The following BCO1 variants were observed in gnomAD, a reference collection of about 807,000 sequenced individuals.
BCO1 encodes beta-carotene oxygenase 1.
In BCO1, 54 loss-of-function variants were observed where a neutral mutation model predicts 56.3. That is an observed-to-expected ratio of 0.96 (90% CI 0.77 to 1.20). The LOEUF is 1.20. Among genes scored for constraint, BCO1 ranks in the 50% most tolerant of loss-of-function variants. BCO1 has a pLI of 0.00. For missense variants in BCO1, 801 were observed against 690.9 expected, an observed-to-expected ratio of 1.16 and a Z score of -1.79; for synonymous variants, 318 against 266.1, an observed-to-expected ratio of 1.20 and a Z score of -1.90.
intron 2 of BCO1, among the ~76,000 whole-genome samples, chr16:81,246,743 A>G (rs940501250): frequency 6.6e-6 from 1 of 151,214 alleles, no homozygotes; most frequent in Non-Finnish European, 1.5e-5. Flanking sequence ...CCCAGCTACT[A>G]GGGAGGCTGA....
chr16:81,241,343 C>A (rs1905098045), intron 1 of BCO1, among the ~76,000 whole-genome samples: 1 of 152,054 alleles, frequency 6.6e-6, no homozygotes, highest in Non-Finnish European at 1.5e-5. Flanking sequence ...CCTATGATAC[C>A]TACCTTTTCG....
chr16:81,263,551 G>A (rs1423460601), intron 4 of BCO1: 1 of 152,118 alleles, frequency 6.6e-6, no homozygotes, highest in Non-Finnish European at 1.5e-5. Context: ...TTTTTTGCAA[G>A]ACACAATTCA....
chr16:81,286,682 T>C (rs1908198591), intron 9 of BCO1, among the ~76,000 whole-genome samples: 1 of 152,094 alleles, frequency 6.6e-6, no homozygotes, highest in Non-Finnish European at 1.5e-5. Context: ...AGACCCTGTC[T>C]CTATATTAAA....
At chr16:81,257,465 A>T (rs769776063) in intron 2 of BCO1, among the ~76,000 whole-genome samples, 20 of 151,678 alleles carry the variant, frequency 1.3e-4, no homozygotes, top group Non-Finnish European at 2.5e-4. Flanking sequence ...GGGTTTCACC[A>T]TGTTGGCCAG....
At chr16:81,261,029 A>G (rs1168221658) in intron 3 of BCO1, among the ~76,000 whole-genome samples, 2 of 152,234 alleles carry the variant, frequency 1.3e-5, no homozygotes, top group South Asian at 2.1e-4. Context: ...CCATTCCAGT[A>G]TCCAGCTCTA....
At chr16:81,287,258 C>G (rs756969068) in intron 9 of BCO1, 37 bp from the exon 10 acceptor site, 2 of 1,451,830 alleles carry the variant, frequency 1.4e-6, no homozygotes, top group East Asian at 2.3e-5. Flanking sequence ...TTCTCTCAAA[C>G]AAGTCATTTA....
intron 2 of BCO1, among the ~76,000 whole-genome samples, chr16:81,251,874 ATG>A (rs56069135): frequency 2.7e-4 from 40 of 146,708 alleles, no homozygotes; most frequent in East Asian, 6.0e-4. Context: ...ACACACATAT[ATG>A]TGTGTGTGTG....
intron 7 of BCO1, among the ~76,000 whole-genome samples, chr16:81,280,310 T>TAC (rs768116413): frequency 3.7e-5 from 1 of 26,668 alleles, no homozygotes; most frequent in Non-Finnish European, 9.5e-5. Flanking sequence ...AAAAAAAAAT[T>TAC]ACACACACAC....
rs529754212 is a variant in BCO1, at chr16:81,246,412, G to A, written c.193+809G>A. On this transcript the variant is annotated intron_variant, in intron 2 of 10. Transcript: ENST00000258168. ...TCAGGGGTGCATTATTCAGCCAACC[G>A]CAAGCACAGACTTTCCTAAAAAGGA... Among the ~76,000 whole-genome samples, 20 of 152,238 alleles carry A rather than the reference G, an allele frequency of 1.3e-4. No individual in the cohort carries two copies. In the East Asian group the frequency reaches 3.5e-3, roughly 26 times the overall value.
intron 1 of BCO1, among the ~76,000 whole-genome samples, chr16:81,243,356 CT>C (rs1391718947): frequency 6.6e-6 from 1 of 152,162 alleles, no homozygotes; most frequent in African/African-American, 2.4e-5. Context: ...CCTTTGTCCC[CT>C]GGCCCCCGTT....
rs149029789 is a variant in BCO1, at chr16:81,264,678, G to C, written c.510G>C (p.Thr170=). The change falls in exon 5 of 11, where the codon ACG becomes ACC. Residue 170 remains threonine, a synonymous_variant. Coordinates refer to ENST00000258168, the MANE Select transcript of BCO1 (RefSeq NM_017429.3). The part of the protein sequence containing the change: ...YRKYVAVNLA[T]SHPHYDEAGN... Reference sequence around the variant, plus strand: ...AATACGTGGCGGTAAATCTGGCAACGTCACATCCCCATTATGATGAGGCTG... The same window carrying C: ...AATACGTGGCGGTAAATCTGGCAACCTCACATCCCCATTATGATGAGGCTG... 3 of 1,614,166 alleles carry C rather than the reference G, an allele frequency of 1.9e-6. No individual in the cohort carries two copies. The South Asian group carries it at 3.3e-5, about 18-fold the overall frequency.
At chr16:81,288,365 T>G (rs922097878) in intron 10 of BCO1, among the ~76,000 whole-genome samples, 5 of 152,234 alleles carry the variant, frequency 3.3e-5, no homozygotes, top group East Asian at 1.9e-4. Context: ...TGGGCTCAAG[T>G]GATCCTCCTG....
chr16:81,266,275 T>G (rs1166224705), intron 5 of BCO1, among the ~76,000 whole-genome samples: 2 of 152,170 alleles, frequency 1.3e-5, no homozygotes, highest in African/African-American at 4.8e-5. Flanking sequence ...TGCATGATCC[T>G]GAGGGGGAGG....
chr16:81,274,074 A>G (rs1177704537), intron 7 of BCO1, among the ~76,000 whole-genome samples: 3 of 152,144 alleles, frequency 2.0e-5, no homozygotes, highest in African/African-American at 7.2e-5. Flanking sequence ...TGGTTCCAGG[A>G]AGTACTGAGG....
At chr16:81,243,489 G>A (rs1279159474) in intron 1 of BCO1, among the ~76,000 whole-genome samples, 2 of 119,368 alleles carry the variant, frequency 1.7e-5, no homozygotes, top group African/African-American at 3.3e-5. Flanking sequence ...TCATTTATGA[G>A]ACGGAGTCTT....
intron 1 of BCO1, among the ~76,000 whole-genome samples, chr16:81,244,860 C>T (rs555085907): frequency 6.6e-6 from 1 of 152,006 alleles, no homozygotes; most frequent in East Asian, 1.9e-4. Flanking sequence ...GCTGGGACTA[C>T]AGGCATATGC....
chr16:81,257,509 C>T (rs566673486), intron 2 of BCO1, among the ~76,000 whole-genome samples: 1 of 151,974 alleles, frequency 6.6e-6, no homozygotes, highest in Admixed American at 6.5e-5. Flanking sequence ...AGGTGATCCA[C>T]CCACTTTGGC....
At chr16:81,266,421 T>G (rs1457584610) in intron 5 of BCO1, among the ~76,000 whole-genome samples, 1 of 152,056 alleles carries the variant, frequency 6.6e-6, no homozygotes, top group African/African-American at 2.4e-5. Flanking sequence ...GACCTTCTAG[T>G]TTAAAAAAAA....
intron 1 of BCO1, among the ~76,000 whole-genome samples, chr16:81,239,850 A>G (rs1230125578): frequency 6.6e-6 from 1 of 151,404 alleles, no homozygotes; most frequent in African/African-American, 2.4e-5. Flanking sequence ...TACCATTTCG[A>G]CTCTAAAGGG....
Sources: gnomAD v4.1 joint callset for allele counts (sites outside exome capture counted in the v4.1 genomes callset) on GRCh38, gnomAD v4.1.1 for gene constraint, MANE v1.5 for transcripts, NCBI Gene and HGNC (gene_info 2026-07-23, HGNC 2026-07-21) for gene names.